The following AKR1D1 variants were observed in gnomAD, a reference collection of about 807,000 sequenced individuals.
AKR1D1 encodes aldo-keto reductase family 1 member D1.
Under a neutral mutation model 42.6 loss-of-function variants are expected in AKR1D1, and 32 were observed. The ratio of observed to expected loss-of-function variants is 0.75; its 90% CI spans 0.57 to 1.01. The LOEUF (loss-of-function observed/expected upper bound fraction) is 1.01, where lower values mean the gene tolerates loss of function less well. Ranked by LOEUF, AKR1D1 falls within the 50% of genes least tolerant of loss-of-function variation. The pLI is 0.00. For missense variants in AKR1D1, 364 were observed against 402.2 expected (o/e 0.91, Z 0.81); for synonymous variants, 123 against 135.5 (o/e 0.91, Z 0.64).
chr7:138,089,051 G>A (rs1415979404), intron 2 of AKR1D1, among the ~76,000 whole-genome samples: 1 of 151,928 alleles, frequency 6.6e-6, no homozygotes, highest in East Asian at 1.9e-4. Flanking sequence ...GAGAAAGAGG[G>A]TTTTAAAAAT....
Position 138,088,655 on chromosome 7 carries a change from C to T in AKR1D1, c.148C>T (p.Arg50Ter), listed in dbSNP as rs749224036. The T allele has an allele frequency of 2.5e-5, 40 of 1,613,904 alleles. No homozygotes were observed. The highest frequency in any genetic ancestry group is 3.2e-5 in the Non-Finnish European group (38 of 1,180,012). Residue 50 changes from arginine (R) to a stop codon, truncating the protein, a stop_gained, in exon 2 of 9, where the codon CGA becomes TGA. Transcript: ENST00000242375. LOFTEE classifies it high-confidence loss of function. ...GAAGGTTGCTATTGACACAGGGTAC[C>T]GACATATTGATGGGGCCTACATCTA... ...SVKVAIDTGY[R>*]HIDGAYIYQN...
rs1220416334 is a variant in AKR1D1, at chr7:138,076,625, T to G, written c.93+14T>G. Reference sequence around the variant, plus strand: ...GAACCTAAATCGGTAAGCTTATTTTTTCTCTCTTTGCTTGCTTGTTTGTTT... The same window carrying G: ...GAACCTAAATCGGTAAGCTTATTTTGTCTCTCTTTGCTTGCTTGTTTGTTT... On this transcript the variant is annotated intron_variant, in intron 1 of 8. Coordinates refer to ENST00000242375, the MANE Select transcript of AKR1D1 (RefSeq NM_005989.4). 1 of 1,594,246 alleles carries G rather than the reference T, an allele frequency of 6.3e-7. No homozygotes were observed. Among genetic ancestry groups the G allele is most frequent in the Non-Finnish European group, 8.6e-7 (1 of 1,162,866 alleles).
Position 138,105,209 on chromosome 7 carries a change from G to C in AKR1D1, c.457-98G>C, listed in dbSNP as rs1417598243. On this transcript the variant is annotated intron_variant, in intron 4 of 8. Transcript: ENST00000242375. The stretch of plus-strand genomic sequence containing the variant: ...GCAAGATGCTTATTAACATACCCAG[G>C]AACTTTCCTTTTTAAAGAATTCACA... 9 of 1,551,516 alleles carry C rather than the reference G, an allele frequency of 5.8e-6. No homozygotes were observed. The African/African-American group carries it at 1.2e-4, about 21-fold the overall frequency.
chr7:138,106,749 G>T (rs773858110), intron 6 of AKR1D1, 32 bp downstream of exon 6: 8 of 1,519,446 alleles, frequency 5.3e-6, no homozygotes, highest in Non-Finnish European at 7.3e-6. Context: ...ATTTCCTTTG[G>T]TGTAGAGTGT....
intron 4 of AKR1D1, among the ~76,000 whole-genome samples, chr7:138,100,322 T>G (rs1462868438): frequency 3.3e-5 from 5 of 151,870 alleles, no homozygotes; most frequent in African/African-American, 1.2e-4. Context: ...ATATAAATGG[T>G]CTAAGCACCC....
intron 3 of AKR1D1, among the ~76,000 whole-genome samples, chr7:138,093,432 TGTC>T (rs1254440320): frequency 6.6e-6 from 1 of 152,210 alleles, no homozygotes; most frequent in African/African-American, 2.4e-5. Flanking sequence ...TATAAGCTCT[TGTC>T]TATTAAATTT....
chr7:138,106,886 T>C (rs1794445331), intron 6 of AKR1D1, among the ~76,000 whole-genome samples, 169 bp downstream of exon 6: 1 of 152,208 alleles, frequency 6.6e-6, no homozygotes, highest in African/African-American at 2.4e-5. Flanking sequence ...TGTTGTAAAA[T>C]TGATTACATT....
intron 5 of AKR1D1, 123 bp downstream of exon 5, chr7:138,105,552 C>T: frequency 1.4e-6 from 2 of 1,403,670 alleles, no homozygotes; most frequent in Non-Finnish European, 9.9e-7. Context: ...ATCATGGGAC[C>T]CTGTGCAAGT....
At position 138,113,165 on chromosome 7, in the gene AKR1D1, A is replaced by C. The variant is rs1176346122; in HGVS notation, c.856-525A>C. On this transcript the variant is annotated intron_variant, in intron 7 of 8. Coordinates refer to ENST00000242375, the MANE Select transcript of AKR1D1 (RefSeq NM_005989.4). ...AACCCCATCTCTACAAAAATTGAAA[A>C]ATTAGCCAGGCATGGCAAAACATGT... Among the ~76,000 whole-genome samples, 6 of 152,226 alleles carry C rather than the reference A, an allele frequency of 3.9e-5. No individual in the cohort carries two copies. The East Asian group carries it at 1.2e-3, about 29-fold the overall frequency.
At chr7:138,084,256 C>CT (rs34809975) in intron 1 of AKR1D1, among the ~76,000 whole-genome samples, 2,115 of 134,640 alleles carry the variant, frequency 0.016, 76 homozygotes, top group African/African-American at 0.051. Context: ...TTTAATCTAG[C>CT]TTTTTTTTTT....
rs192855938 is a variant in AKR1D1, at chr7:138,098,587, G to C, written c.456+644G>C. The stretch of plus-strand genomic sequence containing the variant: ...ATCATGCCACTGCACTCCAGCCTGG[G>C]CGACAGAGCAAGATGCCGTCTCAAA... On this transcript the variant is annotated intron_variant, in intron 4 of 8. Coordinates refer to ENST00000242375, the MANE Select transcript of AKR1D1 (RefSeq NM_005989.4). Among the ~76,000 whole-genome samples the C allele has an allele frequency of 2.4e-3, 361 of 152,288 alleles. 2 individuals carry two copies. The highest frequency in any genetic ancestry group is 8.4e-3 in the African/African-American group (348 of 41,564).
chr7:138,077,916 A>G (rs1246061143), intron 1 of AKR1D1, among the ~76,000 whole-genome samples: 1 of 152,194 alleles, frequency 6.6e-6, no homozygotes, highest in Non-Finnish European at 1.5e-5. Flanking sequence ...AATGCAGATT[A>G]AGACAGGGAT....
At chr7:138,107,337 CAGA>C (rs1400470478) in intron 6 of AKR1D1, 75 bp from the exon 7 acceptor site, 1 of 1,481,976 alleles carries the variant, frequency 6.7e-7, no homozygotes, top group Non-Finnish European at 9.4e-7. Flanking sequence ...AATGGGAAGA[CAGA>C]GGAGGAGGAT....
At chr7:138,108,630 G>A (rs1794478531) in intron 7 of AKR1D1, among the ~76,000 whole-genome samples, 1 of 152,142 alleles carries the variant, frequency 6.6e-6, no homozygotes, top group Non-Finnish European at 1.5e-5. Flanking sequence ...GTAGAATAGT[G>A]GTTACCGGAG....
At chr7:138,098,853 T>A (rs1585732439) in intron 4 of AKR1D1, among the ~76,000 whole-genome samples, 1 of 152,062 alleles carries the variant, frequency 6.6e-6, no homozygotes, top group African/African-American at 2.4e-5. Flanking sequence ...AGAGGATCGG[T>A]TGGTCCTTTT....
chr7:138,077,294 A>T (rs182736650), intron 1 of AKR1D1, among the ~76,000 whole-genome samples: 1 of 152,316 alleles, frequency 6.6e-6, no homozygotes. Context: ...TCATGGCAGA[A>T]GGGAAAGAAA....
Position 138,117,247 on chromosome 7 carries a change from C to T in AKR1D1, c.*585C>T, listed in dbSNP as rs2117482310. 6.5e-6 allele frequency: 1 copy of T among 153,276 alleles called. No homozygotes were observed. The highest frequency in any genetic ancestry group is 1.5e-5 in the Non-Finnish European group (1 of 68,414). The allele number at this position is 153,276 out of a possible 1,614,324, so 9.5% of individuals were successfully genotyped here. A position where few individuals can be genotyped will look rare whatever the true frequency, so the allele number is the denominator to read the frequency against. ...GCCATCATAATGTTGGTGTTTGTTT[C>T]CCTCCAATGTATGTATGTTTAGTTT... On this transcript the variant is annotated 3_prime_UTR_variant, in exon 9 of 9. Transcript: ENST00000242375.
chr7:138,099,323 G>A (rs1056789810), intron 4 of AKR1D1, among the ~76,000 whole-genome samples: 3 of 152,068 alleles, frequency 2.0e-5, no homozygotes, highest in African/African-American at 7.2e-5. Flanking sequence ...AAAGTAATAA[G>A]GCATTTGTTT....
At chr7:138,086,915 A>G (rs141885564) in intron 1 of AKR1D1, among the ~76,000 whole-genome samples, 1 of 152,222 alleles carries the variant, frequency 6.6e-6, no homozygotes, top group Non-Finnish European at 1.5e-5. Flanking sequence ...TCTTCAGAGA[A>G]ATCTCATTGC....
Sources: allele counts gnomAD v4.1 joint callset (sites outside exome capture counted in the v4.1 genomes callset), GRCh38; gene constraint gnomAD v4.1.1; transcripts MANE v1.5; gene names NCBI Gene and HGNC (gene_info 2026-07-23, HGNC 2026-07-21).